Variants in SAMMSON observed in about 807,000 individuals in gnomAD.
SAMMSON encodes survival associated mitochondrial melanoma specific oncogenic non-coding RNA, also known as long intergenic non-protein coding RNA 1212.
chr3:70,429,960 G>C (rs1701400876), intron 2 of SAMMSON, among the ~76,000 whole-genome samples: 1 of 152,048 alleles, frequency 6.6e-6, no homozygotes, highest in African/African-American at 2.4e-5. Flanking sequence ...CACTTTATTT[G>C]TTTATCTTGC....
rs564952051 is a variant in SAMMSON at position 70,339,716 on chromosome 3, AC to A, written n.740-14457del. Among the ~76,000 whole-genome samples, 51 of 152,338 alleles carry A rather than the reference AC, an allele frequency of 3.3e-4. 1 individual carries two copies. The East Asian group carries it at 9.5e-3, about 28-fold the overall frequency. On this transcript the variant is annotated intron_variant and non_coding_transcript_variant, in intron 7 of 9. Transcript: ENST00000642114. ...AAACCACAACGAGATACCATCTCAC[AC>A]CAGTTAGAATGGCGATCATTAAAAA...
chr3:70,250,720 C>A (rs1701757184), intron 6 of SAMMSON, among the ~76,000 whole-genome samples: 2 of 152,164 alleles, frequency 1.3e-5, no homozygotes, highest in African/African-American at 4.8e-5. Flanking sequence ...ACTGGCAATT[C>A]TTTTGTTTGT....
chr3:70,308,876 C>T (rs1046402088), intron 7 of SAMMSON, among the ~76,000 whole-genome samples: 36 of 152,212 alleles, frequency 2.4e-4, no homozygotes, highest in African/African-American at 8.7e-4. Context: ...TGCTTTGTGT[C>T]AGTGACTCCA....
intron 4 of SAMMSON, chr3:70,205,640 A>C (rs1033800861): frequency 3.3e-5 from 5 of 152,146 alleles, no homozygotes; most frequent in Non-Finnish European, 2.9e-5. Context: ...AAATTTAAAA[A>C]ACGTGTCCAG....
chr3:70,325,915 T>C (rs1396684127), intron 7 of SAMMSON, among the ~76,000 whole-genome samples: 3 of 152,170 alleles, frequency 2.0e-5, no homozygotes, highest in Non-Finnish European at 2.9e-5. Context: ...AGACACCTTT[T>C]CTCGGATGAA....
intron 8 of SAMMSON, chr3:70,354,419 C>T (rs964697008): frequency 2.6e-5 from 4 of 152,034 alleles, no homozygotes; most frequent in Non-Finnish European, 5.9e-5. Context: ...AAGCAATTCA[C>T]GAAGACTGGA....
downstream of SAMMSON, among the ~76,000 whole-genome samples, chr3:70,390,534 A>G (rs1701035966): frequency 6.6e-6 from 1 of 152,136 alleles, no homozygotes; most frequent in Non-Finnish European, 1.5e-5. Context: ...CAGGCACATC[A>G]CATGGCAAAA....
In SAMMSON at chr3:70,412,861, A is replaced by G. The variant is rs149727544; in HGVS notation, n.234-49699A>G. On this transcript the variant is annotated intron_variant and non_coding_transcript_variant, in intron 2 of 3. Coordinates refer to the SAMMSON transcript ENST00000641053. ...GTGCCTCAAGTCTGTCAGCGATTAC[A>G]ATAATAATTATTCTAATTCTCAGCT... Among the ~76,000 whole-genome samples, 121 of 152,280 alleles carry G rather than the reference A, an allele frequency of 7.9e-4. 2 individuals are homozygous for G. Among genetic ancestry groups the G allele is most frequent in the African/African-American group, 2.8e-3 (116 of 41,564 alleles).
At chr3:70,384,306 C>T (rs951938066) in intron 9 of SAMMSON, among the ~76,000 whole-genome samples, 1 of 151,804 alleles carries the variant, frequency 6.6e-6, no homozygotes. Context: ...GACCACTGCA[C>T]ATTTTAAAAC....
intron 2 of SAMMSON, among the ~76,000 whole-genome samples, chr3:70,431,723 A>G (rs1042934842): frequency 6.6e-6 from 1 of 152,062 alleles, no homozygotes; most frequent in Admixed American, 6.5e-5. Flanking sequence ...AATATTTCCC[A>G]GAAAGTGTCC....
chr3:70,223,114 C>A (rs115605032), intron 4 of SAMMSON, among the ~76,000 whole-genome samples: 1 of 152,124 alleles, frequency 6.6e-6, no homozygotes, highest in African/African-American at 2.4e-5. Flanking sequence ...CCCTCTGACA[C>A]CTGCTTCTGA....
intron 4 of SAMMSON, among the ~76,000 whole-genome samples, chr3:70,096,523 C>T (rs1329243767): frequency 6.6e-6 from 1 of 152,084 alleles, no homozygotes; most frequent in Admixed American, 6.6e-5. Context: ...CAGCCTAGGC[C>T]ACAGAGTGAG....
chr3:70,367,013 C>T (rs1702927429), intron 9 of SAMMSON, among the ~76,000 whole-genome samples: 1 of 151,406 alleles, frequency 6.6e-6, no homozygotes, highest in Non-Finnish European at 1.5e-5. Flanking sequence ...CTCATTTATC[C>T]TTTGAGTTCC....
At chr3:70,146,363 A>G (rs563283678) in intron 4 of SAMMSON, among the ~76,000 whole-genome samples, 14 of 152,126 alleles carry the variant, frequency 9.2e-5, no homozygotes, top group Admixed American at 9.2e-4. Context: ...ACAGTACAAA[A>G]ATAGAAAACT....
At chr3:70,004,400 T>C (rs2066918200) in intron 1 of SAMMSON, among the ~76,000 whole-genome samples, 1 of 152,166 alleles carries the variant, frequency 6.6e-6, no homozygotes, top group African/African-American at 2.4e-5. Flanking sequence ...CATAAAAAGA[T>C]ATCAGAAAAA....
chr3:70,030,378 A>T (rs913149358), intron 3 of SAMMSON: 1 of 152,208 alleles, frequency 6.6e-6, no homozygotes, highest in African/African-American at 2.4e-5. Context: ...AGATTAAGCA[A>T]CCAGTTCTGA....
intron 9 of SAMMSON, among the ~76,000 whole-genome samples, chr3:70,368,471 A>G (rs923933010): frequency 1.3e-5 from 2 of 151,720 alleles, no homozygotes; most frequent in African/African-American, 2.4e-5. Flanking sequence ...TTTGCCATCT[A>G]TAATTTTCTA....
intron 9 of SAMMSON, among the ~76,000 whole-genome samples, chr3:70,387,078 T>A (rs1052606430): frequency 6.6e-6 from 1 of 151,994 alleles, no homozygotes; most frequent in South Asian, 2.1e-4. Context: ...TAGGGGGACA[T>A]GGCAAGGAGA....
intron 2 of SAMMSON, among the ~76,000 whole-genome samples, chr3:70,403,906 A>G (rs1410719575): frequency 6.6e-6 from 1 of 152,162 alleles, no homozygotes; most frequent in Non-Finnish European, 1.5e-5. Flanking sequence ...AATAGATATT[A>G]TTATCTCTAT....
Sources: gnomAD v4.1 joint callset for allele counts (sites outside exome capture counted in the v4.1 genomes callset) on GRCh38, gnomAD v4.1.1 for gene constraint, MANE v1.5 for transcripts, NCBI Gene and HGNC (gene_info 2026-07-23, HGNC 2026-07-21) for gene names.